Variants in CGNL1 observed in about 807,000 individuals in gnomAD.
CGNL1 encodes the protein cingulin-like protein 1.
In CGNL1, 132 loss-of-function variants were observed where a neutral mutation model predicts 141.2. That is an observed-to-expected ratio of 0.93 (90% CI 0.81 to 1.08). CGNL1 has a LOEUF of 1.08. Among genes scored for constraint, CGNL1 ranks in the 50% least tolerant of loss-of-function variants. The pLI is 0.00. For missense variants in CGNL1, 1,870 were observed against 1,588.6 expected (o/e 1.18, Z -3.01); for synonymous variants, 690 against 622.1 (o/e 1.11, Z -1.63).
At chr15:57,386,710 T>C (rs2062488107) in intron 1 of CGNL1, among the ~76,000 whole-genome samples, 2 of 152,140 alleles carry the variant, frequency 1.3e-5, no homozygotes, top group Non-Finnish European at 2.9e-5. Context: ...GTGACGACGA[T>C]AACACCCAGC....
intron 12 of CGNL1, among the ~76,000 whole-genome samples, chr15:57,525,814 C>T (rs777511612): frequency 5.9e-5 from 9 of 151,912 alleles, no homozygotes; most frequent in Non-Finnish European, 8.8e-5. Context: ...TCCCCTTTGG[C>T]TCAGGGTTAT....
At chr15:57,387,352 T>G (rs1310169552) in intron 1 of CGNL1, among the ~76,000 whole-genome samples, 2 of 152,182 alleles carry the variant, frequency 1.3e-5, no homozygotes, top group African/African-American at 4.8e-5. Flanking sequence ...TTCTCTGAAG[T>G]CATGCCCTGT....
At chr15:57,428,179 C>T (rs1190614787) in intron 1 of CGNL1, among the ~76,000 whole-genome samples, 1 of 152,180 alleles carries the variant, frequency 6.6e-6, no homozygotes, top group African/African-American at 2.4e-5. Context: ...ACACCAGTGC[C>T]GCGGGACATG....
At chr15:57,537,645 G>A (rs1464851698) in intron 14 of CGNL1, among the ~76,000 whole-genome samples, 2 of 152,020 alleles carry the variant, frequency 1.3e-5, no homozygotes, top group African/African-American at 4.8e-5. Flanking sequence ...TATTGTTATT[G>A]GCCATCACAA....
chr15:57,386,704 C>T lies in CGNL1; in HGVS notation c.-16+10137C>T, dbSNP rs115097353. 2.9e-3 allele frequency among the ~76,000 whole-genome samples: 440 copies of T among 152,216 alleles called. 2 individuals carry two copies. The highest frequency in any genetic ancestry group is 5.7e-3 in the African/African-American group (235 of 41,542). ...TGTAAAATGAGGATAACGACAGTGA[C>T]GACGATAACACCCAGCTGAAGATGG... On this transcript the variant is annotated intron_variant, in intron 1 of 18. Coordinates refer to ENST00000281282, the MANE Select transcript of CGNL1 (RefSeq NM_032866.5).
At chr15:57,487,882 G>A (rs1305465258) in intron 8 of CGNL1, among the ~76,000 whole-genome samples, 1 of 152,170 alleles carries the variant, frequency 6.6e-6, no homozygotes, top group Non-Finnish European at 1.5e-5. Context: ...GTATACAGAG[G>A]GTACAAGGTT....
intron 1 of CGNL1, among the ~76,000 whole-genome samples, chr15:57,435,991 A>T (rs2063101062): frequency 1.3e-5 from 2 of 152,202 alleles, no homozygotes; most frequent in South Asian, 4.1e-4. Flanking sequence ...AACATTTACA[A>T]ATAAAGACCC....
chr15:57,521,473 A>G (rs2031249702), intron 10 of CGNL1, among the ~76,000 whole-genome samples: 2 of 152,344 alleles, frequency 1.3e-5, no homozygotes, highest in South Asian at 4.1e-4. Context: ...CATTTTTAAT[A>G]GCTAAGTGTT....
At chr15:57,442,314 A>G (rs1041595750) in intron 3 of CGNL1, 59 bp from the exon 4 acceptor site, 2 of 1,050,324 alleles carry the variant, frequency 1.9e-6, no homozygotes, top group African/African-American at 3.1e-5. Flanking sequence ...ATGACATATA[A>G]ATTGTTCTGA....
chr15:57,477,259 G>C (rs1298649075), intron 8 of CGNL1, among the ~76,000 whole-genome samples: 1 of 152,186 alleles, frequency 6.6e-6, no homozygotes, highest in African/African-American at 2.4e-5. Flanking sequence ...TCAGGGAGAC[G>C]TGGTGCAGGA....
chr15:57,399,034 A>G (rs1236504209), intron 1 of CGNL1, among the ~76,000 whole-genome samples: 2 of 152,234 alleles, frequency 1.3e-5, no homozygotes, highest in Admixed American at 6.5e-5. Context: ...TGATACATGT[A>G]TACAATGTGT....
At chr15:57,458,516 G>A (rs558420290) in intron 7 of CGNL1, among the ~76,000 whole-genome samples, 213 of 152,324 alleles carry the variant, frequency 1.4e-3, no homozygotes, top group East Asian at 2.3e-3. Flanking sequence ...ATTGGCGGCA[G>A]CACACAAAAG....
At chr15:57,539,619 A>C (rs1383655909) in intron 14 of CGNL1, among the ~76,000 whole-genome samples, 4 of 152,190 alleles carry the variant, frequency 2.6e-5, no homozygotes, top group Admixed American at 2.6e-4. Flanking sequence ...TGAGCTTTGC[A>C]GTCAGGCTCA....
At chr15:57,460,721 G>A (rs980009524) in intron 7 of CGNL1, among the ~76,000 whole-genome samples, 2 of 152,156 alleles carry the variant, frequency 1.3e-5, no homozygotes, top group Non-Finnish European at 2.9e-5. Flanking sequence ...AACTATCCAC[G>A]TGATCCAATC....
Position 57,516,983 on chromosome 15 carries a change from C to A in CGNL1, c.2607C>A (p.Tyr869Ter), listed in dbSNP as rs776250638. Reference protein sequence around the residue: ...EAKAKETLKKYEGEIRQLEEA... With the variant: ...EAKAKETLKK ...AGGCGAAGGAAACGCTGAAGAAGTA[C>A]GAGGTGAGGCTCGCTGGGCCCAGGC... is the stretch of plus-strand genomic sequence containing the variant. The change falls in exon 9 of 19, where the codon TAC becomes TAA. Residue 869 changes from tyrosine to a stop codon, truncating the protein, a stop_gained. Coordinates refer to ENST00000281282, the MANE Select transcript of CGNL1 (RefSeq NM_032866.5). LOFTEE classifies it high-confidence loss of function. The A allele has an allele frequency of 1.2e-6, 2 of 1,612,338 alleles. No homozygotes were observed. The highest frequency in any genetic ancestry group is 2.2e-5 in the South Asian group (2 of 90,870).
intron 8 of CGNL1, among the ~76,000 whole-genome samples, chr15:57,515,881 G>A (rs909763326): frequency 9.9e-5 from 15 of 152,054 alleles, no homozygotes; most frequent in African/African-American, 2.4e-4. Flanking sequence ...ACCCTGGGCC[G>A]GGTGTGGTGG....
At position 57,438,919 on chromosome 15, in the gene CGNL1, A is replaced by C; in HGVS notation, c.920A>C (p.Asn307Thr). The C allele has an allele frequency of 6.2e-7, 1 of 1,613,916 alleles. No homozygotes were observed. The highest frequency in any genetic ancestry group is 8.5e-7 in the Non-Finnish European group (1 of 1,179,976). The change falls in exon 2 of 19, where the codon AAC (asparagine) becomes ACC (threonine). Residue 307 changes from asparagine (N) to threonine (T), a missense_variant. Coordinates refer to ENST00000281282, the MANE Select transcript of CGNL1 (RefSeq NM_032866.5). The part of the protein sequence containing the change: ...SSSSTTPTSA[N>T]SLYRFLLDDQ... ...TCATCCACAACTCCCACGTCAGCCA[A>C]CTCTTTGTACAGGTTTTTACTGGAT...
chr15:57,508,323 C>G (rs17820359), intron 8 of CGNL1, among the ~76,000 whole-genome samples: 12,718 of 151,970 alleles, frequency 0.084, 668 homozygotes, highest in Non-Finnish European at 0.11. Flanking sequence ...TTTGGAAATT[C>G]TGATGTTCTT....
chr15:57,518,417 G>C lies in CGNL1; in HGVS notation c.2635G>C (p.Ala879Pro). Residue 879 changes from alanine to proline, a missense_variant, in exon 10 of 19, where the codon GCC (alanine) becomes CCC (proline). Transcript: ENST00000281282. ...YEGEIRQLEEALVHARKEEKE... is the reference protein window; with the variant it reads ...YEGEIRQLEEPLVHARKEEKE... ...GGGAGAAATACGACAGTTAGAGGAG[G>C]CCCTTGTGCACGCCAGAAAGGAAGA... The C allele has an allele frequency of 6.2e-7, 1 of 1,613,392 alleles. No individual in the cohort carries two copies. The highest frequency in any genetic ancestry group is 8.5e-7 in the Non-Finnish European group (1 of 1,179,648).
Sources: gnomAD v4.1 joint callset for allele counts (sites outside exome capture counted in the v4.1 genomes callset) on GRCh38, gnomAD v4.1.1 for gene constraint, MANE v1.5 for transcripts, NCBI Gene and HGNC (gene_info 2026-07-23, HGNC 2026-07-21) for gene names.